The following LUZP2 variants were observed in gnomAD, a reference collection of about 807,000 sequenced individuals.
LUZP2 encodes the protein leucine zipper protein 2.
LUZP2 carries 52 observed loss-of-function variants against 51.6 expected under a neutral mutation model. That is an observed-to-expected ratio of 1.01 (90% CI 0.81 to 1.27). The LOEUF (loss-of-function observed/expected upper bound fraction) is 1.27, where lower values mean the gene tolerates loss of function less well. Ranked by LOEUF, LUZP2 falls within the 50% of genes most tolerant of loss-of-function variation. LUZP2 has a pLI of 0.00. For synonymous variants in LUZP2, 154 were observed against 137.3 expected, an observed-to-expected ratio of 1.12 and a Z score of -0.85; for missense variants, 436 against 395.4, an observed-to-expected ratio of 1.10 and a Z score of -0.87.
rs577623743 is a variant in LUZP2 at position 24,796,686 on chromosome 11, A to C, written c.396+33378A>C. On this transcript the variant is annotated intron_variant, in intron 5 of 11. Transcript: ENST00000336930. ...TTCAATATTCTTGTGGTCTAATTGG[A>C]CCAACATCTTTAAAAAATAAAAATG... is the stretch of plus-strand genomic sequence containing the variant. Among the ~76,000 whole-genome samples the C allele has an allele frequency of 3.2e-4, 48 of 152,192 alleles. No individual in the cohort carries two copies. In the South Asian group the frequency reaches 8.3e-3, roughly 26 times the overall value.
At chr11:24,800,558 A>G (rs1026965222) in intron 5 of LUZP2, among the ~76,000 whole-genome samples, 2 of 151,686 alleles carry the variant, frequency 1.3e-5, no homozygotes, top group African/African-American at 4.8e-5. Context: ...AAAAAATACA[A>G]AAAAACAAAA....
rs567953884 is a variant in LUZP2 at position 24,920,155 on chromosome 11, A to G, written c.522+5617A>G. On this transcript the variant is annotated intron_variant, in intron 7 of 11. Coordinates refer to ENST00000336930, the MANE Select transcript of LUZP2 (RefSeq NM_001009909.4). ...ATACTCCCAAGTCACAAAAAATTCA[A>G]TCTATCAACTTCTCTGTTGAGATAC... 3.2e-3 allele frequency among the ~76,000 whole-genome samples: 486 copies of G among 152,070 alleles called. 3 individuals are homozygous for G. The highest frequency in any genetic ancestry group is 4.8e-3 in the Non-Finnish European group (328 of 67,854).
At chr11:24,562,037 C>T (rs914469593) in intron 1 of LUZP2, among the ~76,000 whole-genome samples, 8 of 151,848 alleles carry the variant, frequency 5.3e-5, no homozygotes, top group Non-Finnish European at 1.0e-4. Context: ...AGTGGGACAA[C>T]GCTCAAAAAT....
At chr11:24,976,275 T>A (rs1855878348) in intron 7 of LUZP2, among the ~76,000 whole-genome samples, 1 of 151,910 alleles carries the variant, frequency 6.6e-6, no homozygotes, top group African/African-American at 2.4e-5. Flanking sequence ...CAACTAGAAA[T>A]ATAAGTGATG....
chr11:24,774,399 T>C (rs1848851309), intron 5 of LUZP2, among the ~76,000 whole-genome samples: 1 of 122,800 alleles, frequency 8.1e-6, no homozygotes, highest in African/African-American at 3.2e-5. Flanking sequence ...CACACACATA[T>C]TTATAAAGAA....
chr11:24,602,391 C>CACACACACAA (rs1399389588), intron 1 of LUZP2, among the ~76,000 whole-genome samples: 1 of 106,096 alleles, frequency 9.4e-6, no homozygotes, highest in Non-Finnish European at 1.9e-5. Flanking sequence ...TATATATACA[C>CACACACACAA]ACACACACAC....
At chr11:25,044,762 A>G (rs1401756414) in intron 9 of LUZP2, among the ~76,000 whole-genome samples, 2 of 151,876 alleles carry the variant, frequency 1.3e-5, no homozygotes, top group Non-Finnish European at 2.9e-5. Flanking sequence ...ATGCGCACGT[A>G]TGTTTATTGC....
Position 24,994,029 on chromosome 11 carries a change from T to G in LUZP2, c.765+10736T>G, listed in dbSNP as rs371822489. On this transcript the variant is annotated intron_variant, in intron 9 of 11. Coordinates refer to ENST00000336930, the MANE Select transcript of LUZP2 (RefSeq NM_001009909.4). ...GCACGTGCCAACACGCCCGACTAAT[T>G]TTTGTATTTTTAGTAAAGATGGGGT... Among the ~76,000 whole-genome samples, 167 of 152,170 alleles carry G rather than the reference T, an allele frequency of 1.1e-3. 4 individuals are homozygous for G. In the South Asian group the frequency reaches 0.033, roughly 30 times the overall value.
chr11:24,673,456 A>G (rs1382514694), intron 1 of LUZP2, among the ~76,000 whole-genome samples: 1 of 152,130 alleles, frequency 6.6e-6, no homozygotes, highest in East Asian at 1.9e-4. Context: ...TGGTCCTTGC[A>G]GGGTGCAGGG....
intron 9 of LUZP2, among the ~76,000 whole-genome samples, chr11:25,049,789 C>A (rs559450905): frequency 6.6e-6 from 1 of 151,790 alleles, no homozygotes; most frequent in Non-Finnish European, 1.5e-5. Flanking sequence ...AGAAAATAAT[C>A]CCAATGGACA....
intron 7 of LUZP2, among the ~76,000 whole-genome samples, chr11:24,917,587 A>G (rs1054363137): frequency 3.3e-5 from 5 of 152,208 alleles, no homozygotes; most frequent in African/African-American, 1.2e-4. Flanking sequence ...TTTATTAAAT[A>G]GGGAATCTTT....
At chr11:24,793,305 A>C (rs1470399987) in intron 5 of LUZP2, among the ~76,000 whole-genome samples, 3 of 152,128 alleles carry the variant, frequency 2.0e-5, no homozygotes, top group Admixed American at 2.0e-4. Context: ...TTTGATGTAC[A>C]ATTTTTTGTT....
In LUZP2 at chr11:24,763,267, G is replaced by A. The variant is rs1479194798; in HGVS notation, c.355G>A (p.Val119Ile). The change falls in exon 5 of 12, where the codon GTT becomes ATT. Residue 119 changes from valine to isoleucine, a missense_variant. Transcript: ENST00000336930. ...TCAGATTAATTTTTTAAAGACTGAA[G>A]TTGAAAGAAAGAGCAAAATGATCCG... ...QATINFLKTE[V>I]ERKSKMIRDL... The A allele has an allele frequency of 7.2e-7, 1 of 1,392,256 alleles. No individual in the cohort carries two copies. The highest frequency in any genetic ancestry group is 2.7e-5 in the East Asian group (1 of 37,492). The allele number at this position is 1,392,256 out of a possible 1,614,324, so 86.2% of individuals were successfully genotyped here.
intron 4 of LUZP2, among the ~76,000 whole-genome samples, chr11:24,760,105 G>A (rs1859927373): frequency 6.6e-6 from 1 of 152,136 alleles, no homozygotes; most frequent in Non-Finnish European, 1.5e-5. Context: ...AAGATTTTGT[G>A]ATCGGCAATT....
chr11:24,643,988 A>G (rs76066488), intron 1 of LUZP2, among the ~76,000 whole-genome samples: 1 of 152,148 alleles, frequency 6.6e-6, no homozygotes, highest in Non-Finnish European at 1.5e-5. Flanking sequence ...AGAACAAATT[A>G]TATTCTCTCT....
intron 9 of LUZP2, among the ~76,000 whole-genome samples, chr11:25,010,961 A>T (rs1281906631): frequency 6.6e-6 from 1 of 152,204 alleles, no homozygotes; most frequent in Non-Finnish European, 1.5e-5. Flanking sequence ...GGAGCTTCTT[A>T]TAAGTAGATA....
chr11:24,889,232 T>C (rs911918101), intron 5 of LUZP2, among the ~76,000 whole-genome samples: 1 of 152,182 alleles, frequency 6.6e-6, no homozygotes, highest in Non-Finnish European at 1.5e-5. Flanking sequence ...GTGACAAAAC[T>C]ATGTGATTAT....
intron 4 of LUZP2, among the ~76,000 whole-genome samples, chr11:24,759,517 T>A (rs892671671): frequency 6.6e-6 from 1 of 152,150 alleles, no homozygotes; most frequent in African/African-American, 2.4e-5. Flanking sequence ...AGTCTTGACA[T>A]GGTAATGTAT....
chr11:24,907,315 A>AC (rs1853488320), intron 6 of LUZP2, among the ~76,000 whole-genome samples: 2 of 151,306 alleles, frequency 1.3e-5, no homozygotes, highest in African/African-American at 2.4e-5. Flanking sequence ...AAAAAAAAAA[A>AC]CATTAACACA....
Sources: gnomAD v4.1 joint callset for allele counts (sites outside exome capture counted in the v4.1 genomes callset) on GRCh38, gnomAD v4.1.1 for gene constraint, MANE v1.5 for transcripts, NCBI Gene and HGNC (gene_info 2026-07-23, HGNC 2026-07-21) for gene names.